SLC11A2: variants seen among roughly 807,000 people sequenced by gnomAD.
SLC11A2 encodes natural resistance-associated macrophage protein 2.
SLC11A2 carries 38 observed loss-of-function variants against 68.0 expected under a neutral mutation model. That is an observed-to-expected ratio of 0.56 (90% CI 0.43 to 0.73). The LOEUF (loss-of-function observed/expected upper bound fraction) is 0.73, where lower values mean the gene tolerates loss of function less well. SLC11A2 is among the 30% of genes least tolerant of loss of function. The probability of loss-of-function intolerance (pLI) is 0.00; values close to 1 mark genes in which losing one functional copy is unlikely to be tolerated. For missense variants in SLC11A2, 517 were observed against 690.5 expected (o/e 0.75, Z 2.82); for synonymous variants, 242 against 250.6 (o/e 0.97, Z 0.32).
intron 1 of SLC11A2, among the ~76,000 whole-genome samples, chr12:51,017,595 T>C (rs919291413): frequency 2.6e-5 from 4 of 152,192 alleles, no homozygotes; most frequent in African/African-American, 4.8e-5. Context: ...TTTTACCAGA[T>C]ACATGTATTA....
chr12:51,023,478 A>C (rs224573), intron 1 of SLC11A2, among the ~76,000 whole-genome samples: 138,520 of 152,226 alleles, frequency 0.91, 63,307 homozygotes, highest in East Asian at 0.98. Context: ...AAATGGCAGC[A>C]AGTAAGTGAG....
chr12:50,968,945 G>GT, the SLC11A2 span, among the ~76,000 whole-genome samples: 5 of 151,820 alleles, frequency 3.3e-5, no homozygotes, highest in Non-Finnish European at 7.4e-5. Flanking sequence ...TTCCAACGTG[G>GT]TGGGATTACA....
chr12:50,973,270 C>G, the SLC11A2 span, among the ~76,000 whole-genome samples: 2 of 152,138 alleles, frequency 1.3e-5, no homozygotes, highest in African/African-American at 2.4e-5. Context: ...CCTCACACGG[C>G]CGGGTATCCC....
chr12:50,994,635 A>G lies in SLC11A2; in HGVS notation c.991-5T>C, dbSNP rs747610563. On this transcript the variant is annotated splice_region_variant and splice_polypyrimidine_tract_variant and intron_variant, in intron 10 of 15. Coordinates refer to ENST00000262052, the MANE Select transcript of SLC11A2 (RefSeq NM_000617.3). ...GGTATTTGTACAGACTTCAACCTAGAACCCAAAGCAATTCAACAGCAACTT... is the reference window on the plus strand; with the variant it reads ...GGTATTTGTACAGACTTCAACCTAGGACCCAAAGCAATTCAACAGCAACTT... 2 of 1,595,712 alleles carry G rather than the reference A, an allele frequency of 1.3e-6. No individual in the cohort carries two copies. The highest frequency in any genetic ancestry group is 1.1e-5 in the South Asian group (1 of 90,746).
chr12:51,007,203 A>G (rs913573772), intron 3 of SLC11A2, among the ~76,000 whole-genome samples: 17 of 152,138 alleles, frequency 1.1e-4, no homozygotes, highest in Admixed American at 9.8e-4. Flanking sequence ...CCTAAAACGT[A>G]TAAAATCAAG....
chr12:50,982,353 C>T (rs199497763), downstream of SLC11A2, among the ~76,000 whole-genome samples: 29 of 152,256 alleles, frequency 1.9e-4, no homozygotes, highest in East Asian at 1.2e-3. Context: ...CAGCTGGGTG[C>T]GGTGGCTCAC....
downstream of SLC11A2, among the ~76,000 whole-genome samples, chr12:50,976,573 A>C (rs572367731): frequency 4.5e-4 from 68 of 152,318 alleles, 1 homozygote; most frequent in South Asian, 6.2e-3. Flanking sequence ...TTCCCTTTGA[A>C]AACTGGCACA....
At chr12:51,001,517 CAT>C (rs1338414931) in intron 5 of SLC11A2, among the ~76,000 whole-genome samples, 1 of 149,928 alleles carries the variant, frequency 6.7e-6, no homozygotes. Context: ...CAAACCTTCA[CAT>C]GTGACTGCTC....
At chr12:51,011,983 G>A (rs1566027496) in intron 1 of SLC11A2, among the ~76,000 whole-genome samples, 1 of 152,184 alleles carries the variant, frequency 6.6e-6, no homozygotes. Flanking sequence ...TACTGGTAGT[G>A]GAAGGCCACT....
intron 8 of SLC11A2, 56 bp from the exon 9 acceptor site, chr12:50,997,028 A>G (rs1414297384): frequency 1.1e-5 from 16 of 1,396,024 alleles, no homozygotes; most frequent in Admixed American, 1.7e-5. Context: ...CGGGAGTAAC[A>G]TAGTACCAGG....
At chr12:50,956,053 G>C in the SLC11A2 span, among the ~76,000 whole-genome samples, 5 of 152,168 alleles carry the variant, frequency 3.3e-5, no homozygotes, top group Non-Finnish European at 5.9e-5. Context: ...ACTTTCATTT[G>C]ATTAAGGGAA....
At chr12:50,981,440 T>C (rs1290956404), downstream of SLC11A2, 4 of 250,490 alleles carry the variant, frequency 1.6e-5, no homozygotes, top group South Asian at 6.7e-5. Flanking sequence ...TATATACATA[T>C]ATATCTTTTA....
chr12:51,001,831 T>G (rs188460265), intron 5 of SLC11A2, among the ~76,000 whole-genome samples: 4 of 152,188 alleles, frequency 2.6e-5, no homozygotes, highest in Admixed American at 2.6e-4. Context: ...AGAGCAAGAC[T>G]GTCTCAACAA....
At chr12:51,009,127 G>C in intron 2 of SLC11A2, 1 of 1,515,642 alleles carries the variant, frequency 6.6e-7, no homozygotes, top group Non-Finnish European at 8.8e-7. Context: ...TCAAATAATC[G>C]ACCGTGGACA....
intron 1 of SLC11A2, chr12:51,025,821 T>G: frequency 8.1e-6 from 8 of 986,544 alleles, no homozygotes; most frequent in Non-Finnish European, 9.6e-6. Flanking sequence ...AGGCGCTCCC[T>G]GAAGTCGGTT....
chr12:50,974,184 T>C, the SLC11A2 span, among the ~76,000 whole-genome samples: 3 of 152,110 alleles, frequency 2.0e-5, no homozygotes, highest in Non-Finnish European at 2.9e-5. Context: ...AGACACATAA[T>C]TGTCAGATTC....
chr12:50,966,207 C>A, the SLC11A2 span, among the ~76,000 whole-genome samples: 1 of 152,226 alleles, frequency 6.6e-6, no homozygotes, highest in African/African-American at 2.4e-5. Flanking sequence ...GGGAGCCCAG[C>A]AGTTTGCACT....
chr12:50,962,769 G>A, the SLC11A2 span, among the ~76,000 whole-genome samples: 1 of 152,054 alleles, frequency 6.6e-6, no homozygotes, highest in East Asian at 1.9e-4. Flanking sequence ...AGGGCTGGGA[G>A]GCCAGAGGAG....
chr12:50,973,370 C>A, the SLC11A2 span, among the ~76,000 whole-genome samples: 1 of 152,100 alleles, frequency 6.6e-6, no homozygotes, highest in Non-Finnish European at 1.5e-5. Flanking sequence ...TGCTGATACC[C>A]AGGCAAAAAG....
Sources: gnomAD v4.1 joint callset for allele counts (sites outside exome capture counted in the v4.1 genomes callset) on GRCh38, gnomAD v4.1.1 for gene constraint, MANE v1.5 for transcripts, NCBI Gene and HGNC (gene_info 2026-07-23, HGNC 2026-07-21) for gene names.